The following GPR137B variants were observed in gnomAD, a reference collection of about 807,000 sequenced individuals.
GPR137B encodes integral membrane protein GPR137B.
In GPR137B, 42 loss-of-function variants were observed where a neutral mutation model predicts 42.5. The ratio of observed to expected loss-of-function variants is 0.99; its 90% confidence interval spans 0.77 to 1.28. The LOEUF (loss-of-function observed/expected upper bound fraction) is 1.28. GPR137B is among the 50% of genes most tolerant of loss of function. The pLI is 0.00. For missense variants in GPR137B, 487 were observed against 493.9 expected, an observed-to-expected ratio of 0.99 and a Z score of 0.13; for synonymous variants, 218 against 209.7, an observed-to-expected ratio of 1.04 and a Z score of -0.34.
At chr1:236,186,225 T>TATATATA (rs1558491305) in intron 5 of GPR137B, among the ~76,000 whole-genome samples, 157 of 42,344 alleles carry the variant, frequency 3.7e-3, no homozygotes, top group Non-Finnish European at 4.6e-3. Context: ...TTATATATAA[T>TATATATA]ATAATATATA....
At chr1:236,173,041 C>T (rs1388745851) in intron 2 of GPR137B, among the ~76,000 whole-genome samples, 1 of 151,116 alleles carries the variant, frequency 6.6e-6, no homozygotes, top group Non-Finnish European at 1.5e-5. Context: ...GTTTGTAATC[C>T]CAGCACTTTG....
chr1:236,157,689 A>G (rs1662072802), intron 1 of GPR137B, among the ~76,000 whole-genome samples: 1 of 152,212 alleles, frequency 6.6e-6, no homozygotes, highest in Admixed American at 6.5e-5. Flanking sequence ...TAGAACCTGC[A>G]TGTACAAAGA....
chr1:236,197,594 T>C (rs111263977), intron 5 of GPR137B, among the ~76,000 whole-genome samples: 4,981 of 152,310 alleles, frequency 0.033, 221 homozygotes, highest in African/African-American at 0.099. Context: ...AGCTTCATTG[T>C]TCTACATGTG....
At chr1:236,166,560 A>G (rs1008054730) in intron 1 of GPR137B, among the ~76,000 whole-genome samples, 26 of 148,068 alleles carry the variant, frequency 1.8e-4, no homozygotes, top group Non-Finnish European at 1.2e-4. Flanking sequence ...CCTGCCTCCT[A>G]CCTACTTGCA....
intron 1 of GPR137B, among the ~76,000 whole-genome samples, chr1:236,161,470 ACCT>A (rs2102898714): frequency 9.9e-6 from 1 of 100,662 alleles, no homozygotes; most frequent in South Asian, 2.7e-4. Context: ...ATCTCCTCAC[ACCT>A]CCACACACAC....
chr1:236,196,554 C>T (rs1663339698), intron 5 of GPR137B, among the ~76,000 whole-genome samples: 1 of 152,114 alleles, frequency 6.6e-6, no homozygotes, highest in Non-Finnish European at 1.5e-5. Context: ...TTTTGGTGCA[C>T]CCATTACCTT....
intron 4 of GPR137B, 177 bp downstream of exon 4, chr1:236,180,205 A>T: frequency 5.2e-6 from 3 of 575,914 alleles, no homozygotes; most frequent in Non-Finnish European, 6.3e-6. Context: ...ATTAATCTCT[A>T]GATGATTTAC....
At chr1:236,164,479 A>G (rs1358593751) in intron 1 of GPR137B, among the ~76,000 whole-genome samples, 2 of 152,134 alleles carry the variant, frequency 1.3e-5, no homozygotes, top group East Asian at 3.9e-4. Context: ...GGTCAGTGGG[A>G]GCCAGTGCAG....
intron 1 of GPR137B, among the ~76,000 whole-genome samples, chr1:236,168,425 A>G (rs1263560329): frequency 3.1e-5 from 4 of 130,264 alleles, no homozygotes; most frequent in Admixed American, 2.3e-4. Flanking sequence ...TTCTGTCTCG[A>G]AAAAAAAAAA....
At position 236,155,640 on chromosome 1, in the gene GPR137B, G is replaced by T. The variant is rs1351712215; in HGVS notation, c.414+12604G>T. Among the ~76,000 whole-genome samples the T allele has an allele frequency of 6.6e-6, 1 of 152,102 alleles. No individual in the cohort carries two copies. Among genetic ancestry groups the T allele is most frequent in the African/African-American group, 2.4e-5 (1 of 41,424 alleles). On this transcript the variant is annotated intron_variant, in intron 1 of 6. Coordinates refer to ENST00000366592, the MANE Select transcript of GPR137B (RefSeq NM_003272.4). This position sits in a 1 kb window ranked among gnomAD's most constrained non-coding sequence, Gnocchi z 4.6. ...TCTGCCTTCTGGGTGGCCAGCCTGTGTTGGCGCCGTTGGATGGAGTGAAGC... is the reference window on the plus strand; with the variant it reads ...TCTGCCTTCTGGGTGGCCAGCCTGTTTTGGCGCCGTTGGATGGAGTGAAGC...
chr1:236,208,693 A>AAT lies in GPR137B; in HGVS notation c.*536_*537dup. On this transcript the variant is annotated 3_prime_UTR_variant, in exon 7 of 7. Coordinates refer to ENST00000366592, the MANE Select transcript of GPR137B (RefSeq NM_003272.4). ...AGCCAATTGCAACTCCAGTGTTGATAATTAAAATGAAATGGTAAAGCAGCA... is the reference window on the plus strand; with the variant it reads ...AGCCAATTGCAACTCCAGTGTTGATAATATTAAAATGAAATGGTAAAGCAGCA... 1.0e-6 allele frequency: 1 copy of AAT among 985,376 alleles called. No homozygotes were observed. Among genetic ancestry groups the AAT allele is most frequent in the Non-Finnish European group, 1.2e-6 (1 of 829,542 alleles). The allele number at this position is 985,376 out of a possible 1,614,324, so 61.0% of individuals were successfully genotyped here. A position where few individuals can be genotyped will look rare whatever the true frequency, so the allele number is the denominator to read the frequency against.
chr1:236,169,503 A>G (rs926032270), intron 2 of GPR137B, among the ~76,000 whole-genome samples: 11 of 152,222 alleles, frequency 7.2e-5, no homozygotes, highest in African/African-American at 2.4e-4. Context: ...ATTTGTAACA[A>G]TGGCTTAACA....
chr1:236,152,853 C>T (rs544189750), intron 1 of GPR137B, among the ~76,000 whole-genome samples: 15 of 150,980 alleles, frequency 9.9e-5, no homozygotes, highest in African/African-American at 3.2e-4. Flanking sequence ...GTCAGGAGTT[C>T]GAGACCAGCC....
Position 236,150,763 on chromosome 1 carries a change from A to T in GPR137B, c.414+7727A>T, listed in dbSNP as rs1661835181. On this transcript the variant is annotated intron_variant, in intron 1 of 6. Transcript: ENST00000366592. The surrounding 1 kb of genome is among the most constrained non-coding windows in gnomAD (Gnocchi z 6.2). ...CTCACCTGCCTTTCCGTAGTCAGAC[A>T]GGCAGAACTGGTAGTGACCAGCAGG... is the stretch of plus-strand genomic sequence containing the variant. Among the ~76,000 whole-genome samples, 1 of 152,172 alleles carries T rather than the reference A, an allele frequency of 6.6e-6. No homozygotes were observed. The highest frequency in any genetic ancestry group is 1.5e-5 in the Non-Finnish European group (1 of 68,030).
At chr1:236,205,938 A>G (rs1015629479) in intron 6 of GPR137B, among the ~76,000 whole-genome samples, 2 of 152,192 alleles carry the variant, frequency 1.3e-5, no homozygotes, top group African/African-American at 4.8e-5. Flanking sequence ...CTATGGAATC[A>G]CTCAATGGAA....
intron 1 of GPR137B, 44 bp from the exon 2 acceptor site, chr1:236,168,662 C>T: frequency 6.6e-7 from 1 of 1,513,104 alleles, no homozygotes; most frequent in Non-Finnish European, 9.2e-7. Flanking sequence ...CTGGTTCTGT[C>T]AACATATTGG....
intron 5 of GPR137B, among the ~76,000 whole-genome samples, chr1:236,201,945 G>C (rs1663504286): frequency 6.6e-6 from 1 of 152,034 alleles, no homozygotes; most frequent in African/African-American, 2.4e-5. Context: ...GTGGTTCCTT[G>C]ATGTGGGTTG....
At chr1:236,203,146 C>T (rs922832154) in intron 5 of GPR137B, among the ~76,000 whole-genome samples, 5 of 152,228 alleles carry the variant, frequency 3.3e-5, no homozygotes, top group African/African-American at 1.2e-4. Flanking sequence ...GGCGTGATCT[C>T]GGCTCACTGC....
chr1:236,156,431 G>A lies in GPR137B; in HGVS notation c.415-12275G>A, dbSNP rs956329465. Among the ~76,000 whole-genome samples the A allele has an allele frequency of 1.3e-5, 2 of 152,202 alleles. No homozygotes were observed. Among genetic ancestry groups the A allele is most frequent in the African/African-American group, 4.8e-5 (2 of 41,458 alleles). On this transcript the variant is annotated intron_variant, in intron 1 of 6. Coordinates refer to ENST00000366592, the MANE Select transcript of GPR137B (RefSeq NM_003272.4). The surrounding 1 kb of genome is among the most constrained non-coding windows in gnomAD (Gnocchi z 4.8). ...CCTTTTCTGGCCAGTTACCTTCACT[G>A]CCACGGACACAGGACTATGAGTGGG...
Sources: allele counts gnomAD v4.1 joint callset (sites outside exome capture counted in the v4.1 genomes callset), GRCh38; gene constraint gnomAD v4.1.1; non-coding constraint Gnocchi (gnomAD v3.1); transcripts MANE v1.5; gene names NCBI Gene and HGNC (gene_info 2026-07-23, HGNC 2026-07-21).